SWT1: variants seen among roughly 807,000 people sequenced by gnomAD.
SWT1 encodes the protein SWT1 RNA endoribonuclease homolog.
SWT1 carries 33 observed loss-of-function variants against 107.3 expected under a neutral mutation model. The observed-to-expected ratio is 0.31, with a 90% confidence interval of 0.23 to 0.41. The LOEUF is 0.41. Among genes scored for constraint, SWT1 ranks in the 10% least tolerant of loss-of-function variants. The probability of loss-of-function intolerance (pLI) is 1.00; values close to 1 mark genes in which losing one functional copy is unlikely to be tolerated. For synonymous variants in SWT1, 345 were observed against 348.3 expected (o/e 0.99, Z 0.11); for missense variants, 898 against 1,028.9 (o/e 0.87, Z 1.74).
At chr1:185,190,020 GT>G (rs1179449650) in intron 9 of SWT1, among the ~76,000 whole-genome samples, 2 of 151,834 alleles carry the variant, frequency 1.3e-5, no homozygotes, top group Non-Finnish European at 2.9e-5. Context: ...GCTAATTTTT[GT>G]ATTTTTAGTA....
chr1:185,184,099 A>G (rs1354058888), intron 7 of SWT1, 144 bp from the exon 8 acceptor site: 1 of 532,374 alleles, frequency 1.9e-6, no homozygotes, highest in Non-Finnish European at 3.4e-6. Flanking sequence ...AGTCTAGCCA[A>G]CTGTGTAAAT....
chr1:185,172,533 A>G (rs1553251241), intron 4 of SWT1, among the ~76,000 whole-genome samples: 2 of 152,074 alleles, frequency 1.3e-5, no homozygotes, highest in Non-Finnish European at 1.5e-5. Flanking sequence ...ATCTTTTAAT[A>G]TTTTTTTCAT....
chr1:185,228,224 T>C (rs1420980590), intron 15 of SWT1, among the ~76,000 whole-genome samples: 3 of 150,068 alleles, frequency 2.0e-5, no homozygotes, highest in African/African-American at 5.0e-5. Context: ...TTCTTCAGCC[T>C]TAAGATACAT....
chr1:185,272,211 T>A (rs554904353), intron 17 of SWT1, among the ~76,000 whole-genome samples: 1 of 152,236 alleles, frequency 6.6e-6, no homozygotes, highest in African/African-American at 2.4e-5. Flanking sequence ...GAGGTAGAAC[T>A]ATAATGAGGC....
intron 16 of SWT1, among the ~76,000 whole-genome samples, chr1:185,256,268 C>T (rs1662505454): frequency 6.6e-6 from 1 of 151,408 alleles, no homozygotes; most frequent in Non-Finnish European, 1.5e-5. Flanking sequence ...CTTGGAGTTG[C>T]TCTTCTCGAG....
At chr1:185,204,025 A>G (rs1028991377) in intron 11 of SWT1, among the ~76,000 whole-genome samples, 7 of 152,220 alleles carry the variant, frequency 4.6e-5, no homozygotes, top group African/African-American at 1.2e-4. Flanking sequence ...GTTGTTTTCA[A>G]GTATCTAAAA....
At chr1:185,186,476 C>T (rs1656473205) in intron 9 of SWT1, among the ~76,000 whole-genome samples, 1 of 151,972 alleles carries the variant, frequency 6.6e-6, no homozygotes, top group Admixed American at 6.6e-5. Flanking sequence ...TTCATTATAG[C>T]ATTATTTATG....
At chr1:185,281,869 T>A (rs1664645719) in intron 18 of SWT1, 1 of 152,488 alleles carries the variant, frequency 6.6e-6, no homozygotes, top group Non-Finnish European at 1.5e-5. Context: ...ACTAAATCAG[T>A]GTGCTGCTAG....
chr1:185,284,591 A>G (rs1318734136), intron 18 of SWT1, among the ~76,000 whole-genome samples: 1 of 152,222 alleles, frequency 6.6e-6, no homozygotes, highest in Non-Finnish European at 1.5e-5. Context: ...CAAATTTTTA[A>G]AGGGAGAGAG....
chr1:185,281,792 TGAAA>T (rs1169673469), intron 18 of SWT1: 2 of 153,648 alleles, frequency 1.3e-5, no homozygotes, highest in Admixed American at 6.6e-5. Flanking sequence ...TAAACAGTGA[TGAAA>T]GAAGAGAAAA....
At chr1:185,159,986 A>G (rs531804379) in intron 1 of SWT1, among the ~76,000 whole-genome samples, 168 of 152,256 alleles carry the variant, frequency 1.1e-3, no homozygotes, top group Admixed American at 2.6e-3. Context: ...GGCCTCCCAA[A>G]GTATTGGGAT....
intron 17 of SWT1, among the ~76,000 whole-genome samples, chr1:185,273,172 A>G (rs1343991004): frequency 1.3e-5 from 2 of 152,222 alleles, no homozygotes; most frequent in African/African-American, 4.8e-5. Context: ...TGGAAGGCCA[A>G]GGCAGGTGGA....
At chr1:185,176,286 CAAAAAAAAA>C (rs71101962) in intron 5 of SWT1, among the ~76,000 whole-genome samples, 3 of 47,260 alleles carry the variant, frequency 6.3e-5, no homozygotes, top group East Asian at 6.0e-4. Context: ...ACCTTGTCTC[CAAAAAAAAA>C]AAAAAAAAAA....
chr1:185,168,232 C>T (rs552157736), intron 3 of SWT1, 108 bp from the exon 4 acceptor site: 7 of 636,142 alleles, frequency 1.1e-5, no homozygotes, highest in African/African-American at 1.1e-4. Context: ...CACCGGATTA[C>T]TGGAAAGATT....
At chr1:185,240,504 GT>G (rs919743114) in intron 16 of SWT1, among the ~76,000 whole-genome samples, 7 of 151,888 alleles carry the variant, frequency 4.6e-5, no homozygotes, top group Middle Eastern at 6.8e-3. Flanking sequence ...ATATAGCTTA[GT>G]TTTTTTTCTA....
intron 5 of SWT1, 29 bp downstream of exon 5, chr1:185,175,142 G>C (rs779630447): frequency 1.4e-6 from 2 of 1,409,180 alleles, no homozygotes; most frequent in South Asian, 3.6e-5. Context: ...AAGAATATAG[G>C]TTTTAACTGA....
chr1:185,194,038 G>A (rs1218857936), intron 10 of SWT1, among the ~76,000 whole-genome samples: 1 of 152,136 alleles, frequency 6.6e-6, no homozygotes, highest in Non-Finnish European at 1.5e-5. Context: ...ATTATATAAT[G>A]TCCTTTTTAG....
intron 2 of SWT1, among the ~76,000 whole-genome samples, chr1:185,164,219 A>G (rs1654393050): frequency 6.6e-6 from 1 of 151,696 alleles, no homozygotes; most frequent in African/African-American, 2.4e-5. Context: ...TGAGCTTAAG[A>G]TATTCAGTAA....
At chr1:185,209,793 T>C (rs2102480641) in intron 13 of SWT1, among the ~76,000 whole-genome samples, 1 of 152,316 alleles carries the variant, frequency 6.6e-6, no homozygotes, top group South Asian at 2.1e-4. Context: ...CCTTGAGGAA[T>C]CACCACACTG....
Sources: gnomAD v4.1 joint callset for allele counts (sites outside exome capture counted in the v4.1 genomes callset) on GRCh38, gnomAD v4.1.1 for gene constraint, MANE v1.5 for transcripts, NCBI Gene and HGNC (gene_info 2026-07-23, HGNC 2026-07-21) for gene names.